TAFA2: variants seen among roughly 807,000 people sequenced by gnomAD.
The protein encoded by TAFA2 is chemokine-like protein TAFA-2.
Under a neutral mutation model 18.8 loss-of-function variants are expected in TAFA2, and 7 were observed. The ratio of observed to expected loss-of-function variants is 0.37; its 90% CI spans 0.21 to 0.70. The LOEUF is 0.70. TAFA2 is among the 30% of genes least tolerant of loss of function. TAFA2 has a pLI of 0.53. For missense variants in TAFA2, 122 were observed against 158.1 expected (o/e 0.77, Z 1.23); for synonymous variants, 60 against 54.2 (o/e 1.11, Z -0.47).
At chr12:62,186,230 T>C in intron 1 of TAFA2, among the ~76,000 whole-genome samples, 1 of 152,078 alleles carries the variant, frequency 6.6e-6, no homozygotes, top group East Asian at 1.9e-4. Flanking sequence ...AATTGAAAGG[T>C]TCAGAATGTT....
intron 2 of TAFA2, among the ~76,000 whole-genome samples, chr12:61,834,251 C>T (rs1458213475): frequency 6.6e-6 from 1 of 152,044 alleles, no homozygotes; most frequent in East Asian, 1.9e-4. Context: ...ATGCATTCAG[C>T]TTATAGGGAT....
At chr12:62,097,897 G>C (rs1461128870) in intron 1 of TAFA2, among the ~76,000 whole-genome samples, 1 of 152,120 alleles carries the variant, frequency 6.6e-6, no homozygotes, top group Non-Finnish European at 1.5e-5. Flanking sequence ...CCCAGAGGCT[G>C]CTTTGTCATG....
upstream of TAFA2, among the ~76,000 whole-genome samples, chr12:62,196,751 G>T (rs1014527036): frequency 6.6e-6 from 1 of 152,086 alleles, no homozygotes; most frequent in Non-Finnish European, 1.5e-5. Flanking sequence ...CTGAAATATT[G>T]TGAGAATTAC....
intron 1 of TAFA2, among the ~76,000 whole-genome samples, chr12:62,034,724 T>C (rs1881553766): frequency 6.6e-6 from 1 of 152,192 alleles, no homozygotes; most frequent in Non-Finnish European, 1.5e-5. Context: ...ATAATATGTA[T>C]GTATTATATT....
chr12:61,935,663 A>T (rs1045375865), intron 1 of TAFA2, among the ~76,000 whole-genome samples: 3 of 152,154 alleles, frequency 2.0e-5, no homozygotes, highest in African/African-American at 7.2e-5. Context: ...TTTTTGAAAG[A>T]TCAACTTTTG....
intron 1 of TAFA2, among the ~76,000 whole-genome samples, chr12:61,985,082 T>C (rs1879768240): frequency 6.6e-6 from 1 of 152,122 alleles, no homozygotes; most frequent in Admixed American, 6.5e-5. Flanking sequence ...GATAAAACAA[T>C]TTACTTTGTA....
At chr12:62,250,544 T>C (rs907800086) in intron 1 of TAFA2, among the ~76,000 whole-genome samples, 3 of 152,140 alleles carry the variant, frequency 2.0e-5, no homozygotes, top group Non-Finnish European at 4.4e-5. Context: ...TTAAATTCAT[T>C]GTAATTTCTG....
chr12:61,796,850 G>A (rs1313992346), intron 2 of TAFA2, among the ~76,000 whole-genome samples: 2 of 152,044 alleles, frequency 1.3e-5, no homozygotes, highest in African/African-American at 4.8e-5. Context: ...TATAAGAAAT[G>A]GCATGGAGTC....
intron 2 of TAFA2, among the ~76,000 whole-genome samples, chr12:61,823,456 C>T (rs1034531344): frequency 6.6e-6 from 1 of 152,102 alleles, no homozygotes; most frequent in Non-Finnish European, 1.5e-5. Flanking sequence ...TACAGGCACC[C>T]ATTAACTTTG....
chr12:61,992,467 T>G (rs535276073), intron 1 of TAFA2, among the ~76,000 whole-genome samples: 1 of 152,186 alleles, frequency 6.6e-6, no homozygotes. Flanking sequence ...TGCCTCTCAC[T>G]TGGACTTCTT....
At chr12:61,952,569 G>T (rs1401474504) in intron 1 of TAFA2, among the ~76,000 whole-genome samples, 5 of 151,856 alleles carry the variant, frequency 3.3e-5, no homozygotes, top group African/African-American at 4.8e-5. Flanking sequence ...TAAGCCCATT[G>T]GAAACAAAAA....
chr12:61,872,655 G>A (rs1235125898), intron 1 of TAFA2, among the ~76,000 whole-genome samples: 2 of 151,940 alleles, frequency 1.3e-5, no homozygotes, highest in African/African-American at 4.8e-5. Context: ...TCACATCCCT[G>A]TACCCCAGGT....
At chr12:61,890,029 G>T (rs1875559055) in intron 1 of TAFA2, among the ~76,000 whole-genome samples, 1 of 152,184 alleles carries the variant, frequency 6.6e-6, no homozygotes. Context: ...ACCAAAAATA[G>T]CCTGTGAGTT....
chr12:62,030,637 A>C (rs977270455), intron 1 of TAFA2, among the ~76,000 whole-genome samples: 1 of 152,214 alleles, frequency 6.6e-6, no homozygotes, highest in Non-Finnish European at 1.5e-5. Flanking sequence ...AGGGAGAGCC[A>C]GTTGTCAGAG....
chr12:61,926,006 T>C (rs1021554416), intron 1 of TAFA2, among the ~76,000 whole-genome samples: 9 of 152,104 alleles, frequency 5.9e-5, no homozygotes, highest in African/African-American at 2.2e-4. Context: ...CAATAAAAAA[T>C]GATAAAGTGG....
At chr12:62,076,832 T>A (rs531273085) in intron 1 of TAFA2, among the ~76,000 whole-genome samples, 27 of 152,332 alleles carry the variant, frequency 1.8e-4, no homozygotes, top group African/African-American at 5.5e-4. Flanking sequence ...ATGAGACAGC[T>A]TCTTTGAAGG....
At chr12:62,076,152 G>A (rs1022114554) in intron 1 of TAFA2, among the ~76,000 whole-genome samples, 1 of 152,118 alleles carries the variant, frequency 6.6e-6, no homozygotes, top group African/African-American at 2.4e-5. Context: ...TTTGCCTGGT[G>A]TTGTTGTATT....
In TAFA2 at chr12:62,135,281, A is replaced by G. The variant is rs1870850678; in HGVS notation, c.-2+55978T>C. 2.0e-5 allele frequency among the ~76,000 whole-genome samples: 3 copies of G among 152,054 alleles called. 1 individual carries two copies. Among genetic ancestry groups the G allele is most frequent in the Admixed American group, 2.0e-4 (3 of 15,242 alleles). On this transcript the variant is annotated intron_variant, in intron 1 of 4. Transcript: ENST00000416284. ...AGAGAGAGACTTTTGGACTATTCCC[A>G]AAGTCCAAAGTCTATTCAAGCAAAG...
intron 2 of TAFA2, among the ~76,000 whole-genome samples, chr12:61,803,977 T>C (rs1005810679): frequency 2.0e-5 from 3 of 152,006 alleles, no homozygotes; most frequent in Non-Finnish European, 4.4e-5. Context: ...GCCTTTAACA[T>C]TCATAGTAAG....
Sources: gnomAD v4.1 joint callset for allele counts (sites outside exome capture counted in the v4.1 genomes callset) on GRCh38, gnomAD v4.1.1 for gene constraint, MANE v1.5 for transcripts, NCBI Gene and HGNC (gene_info 2026-07-23, HGNC 2026-07-21) for gene names.